The following SLC17A1 variants were observed in gnomAD, a reference collection of about 807,000 sequenced individuals.
The protein encoded by SLC17A1 is solute carrier family 17 member 1.
In SLC17A1, 51 loss-of-function variants were observed where a neutral mutation model predicts 53.5. The observed-to-expected ratio is 0.95, with a 90% confidence interval of 0.76 to 1.20. The LOEUF is 1.20. SLC17A1 is among the 50% of genes most tolerant of loss of function. The pLI is 0.00. For synonymous variants in SLC17A1, 179 were observed against 198.8 expected (o/e 0.90, Z 0.84); for missense variants, 538 against 568.2 (o/e 0.95, Z 0.54).
the SLC17A1 span, among the ~76,000 whole-genome samples, chr6:25,729,950 A>T: frequency 2.0e-5 from 3 of 152,218 alleles, no homozygotes; most frequent in Non-Finnish European, 4.4e-5. Flanking sequence ...TTCTAAGTGC[A>T]TGCAATAAAA....
At chr6:25,787,689 T>G (rs1015779136) in intron 12 of SLC17A1, among the ~76,000 whole-genome samples, 9 of 152,246 alleles carry the variant, frequency 5.9e-5, no homozygotes, top group African/African-American at 1.9e-4. Flanking sequence ...GTTTTCTATT[T>G]GAGTTATTCT....
chr6:25,751,349 C>T, the SLC17A1 span, among the ~76,000 whole-genome samples: 4 of 152,186 alleles, frequency 2.6e-5, no homozygotes, highest in Non-Finnish European at 5.9e-5. Flanking sequence ...TGAATTGAAG[C>T]TTGGACAGTG....
the SLC17A1 span, among the ~76,000 whole-genome samples, chr6:25,751,013 G>A: frequency 6.6e-6 from 1 of 152,166 alleles, no homozygotes; most frequent in Non-Finnish European, 1.5e-5. Flanking sequence ...GCGGAGATAG[G>A]AGGAAGACTG....
the SLC17A1 span, chr6:25,727,100 G>A: frequency 1.2e-6 from 2 of 1,614,236 alleles, no homozygotes; most frequent in Admixed American, 3.3e-5. Flanking sequence ...TGAGCATTAT[G>A]AATTCCTTCG....
At chr6:25,735,092 G>T in the SLC17A1 span, among the ~76,000 whole-genome samples, 15 of 152,300 alleles carry the variant, frequency 9.8e-5, no homozygotes, top group East Asian at 2.7e-3. Context: ...GCTTCAAAAT[G>T]ATGGCATTAA....
At position 25,814,703 on chromosome 6, in the gene SLC17A1, G is replaced by T. The variant is rs146704730; in HGVS notation, c.617-1490C>A. Among the ~76,000 whole-genome samples the T allele has an allele frequency of 1.6e-4, 25 of 152,290 alleles. 1 individual carries two copies. The East Asian group carries it at 4.4e-3, about 27-fold the overall frequency. On this transcript the variant is annotated intron_variant, in intron 6 of 12. Transcript: ENST00000244527. ...AAAAAGAACTAAAAAGACAGAATGG[G>T]CTGGGCATGGTGGCTCACGCCTGTA...
the SLC17A1 span, among the ~76,000 whole-genome samples, chr6:25,739,589 T>C: frequency 1.3e-5 from 2 of 152,230 alleles, no homozygotes. Flanking sequence ...ATTTATACCA[T>C]GAAATATTAC....
At chr6:25,789,519 C>T (rs1401097923) in intron 12 of SLC17A1, among the ~76,000 whole-genome samples, 1 of 152,032 alleles carries the variant, frequency 6.6e-6, no homozygotes, top group Non-Finnish European at 1.5e-5. Context: ...TTTGCAGAGG[C>T]AAAACCTGAT....
chr6:25,827,809 G>A (rs1249130838), intron 2 of SLC17A1, among the ~76,000 whole-genome samples: 2 of 152,152 alleles, frequency 1.3e-5, no homozygotes, highest in African/African-American at 4.8e-5. Flanking sequence ...TGGGAATCTT[G>A]AGAGAAAACT....
chr6:25,768,352 C>T, the SLC17A1 span: 43 of 985,330 alleles, frequency 4.4e-5, no homozygotes, highest in Non-Finnish European at 4.9e-5. Flanking sequence ...TGGATGAATT[C>T]TTCCCGCTGT....
intron 12 of SLC17A1, among the ~76,000 whole-genome samples, chr6:25,795,660 G>A (rs1763588553): frequency 6.6e-6 from 1 of 152,048 alleles, no homozygotes; most frequent in Non-Finnish European, 1.5e-5. Flanking sequence ...TATGCCCTCT[G>A]CAAGAAAAAC....
chr6:25,807,116 T>C (rs1477419020), intron 10 of SLC17A1, among the ~76,000 whole-genome samples: 1 of 152,190 alleles, frequency 6.6e-6, no homozygotes, highest in Non-Finnish European at 1.5e-5. Flanking sequence ...GAAAACAGTA[T>C]GGAGATTTCC....
chr6:25,801,199 T>C (rs1381158686), intron 10 of SLC17A1, among the ~76,000 whole-genome samples: 1 of 151,860 alleles, frequency 6.6e-6, no homozygotes, highest in Non-Finnish European at 1.5e-5. Flanking sequence ...AATATGATGA[T>C]ATTAATAAAA....
the SLC17A1 span, among the ~76,000 whole-genome samples, chr6:25,759,957 G>A: frequency 1.3e-5 from 2 of 151,992 alleles, no homozygotes; most frequent in African/African-American, 4.8e-5. Flanking sequence ...TACAAATATT[G>A]CTTTAAGGAA....
At chr6:25,785,831 G>C (rs775625409) in intron 12 of SLC17A1, among the ~76,000 whole-genome samples, 2 of 152,130 alleles carry the variant, frequency 1.3e-5, no homozygotes, top group Non-Finnish European at 2.9e-5. Flanking sequence ...AACATAACAA[G>C]TGTTGATGAG....
At position 25,829,410 on chromosome 6, in the gene SLC17A1, C is replaced by T. The variant is rs548872374; in HGVS notation, c.34+1114G>A. Among the ~76,000 whole-genome samples the T allele has an allele frequency of 1.4e-4, 21 of 152,236 alleles. No individual in the cohort carries two copies. The South Asian group carries it at 4.4e-3, about 32-fold the overall frequency. The stretch of plus-strand genomic sequence containing the variant: ...TACCCCTGAGAAATTTAATCATCAG[C>T]CAGCCCTTCCTTTGATTTGCTGCCT... On this transcript the variant is annotated intron_variant, in intron 2 of 12. Transcript: ENST00000244527.
the SLC17A1 span, among the ~76,000 whole-genome samples, chr6:25,745,097 T>C: frequency 6.6e-6 from 1 of 152,116 alleles, no homozygotes; most frequent in Non-Finnish European, 1.5e-5. Context: ...ATCAAACAGA[T>C]AGTAATCAAG....
In SLC17A1 at chr6:25,813,151, G is replaced by T; in HGVS notation, c.679C>A (p.His227Asn). The T allele has an allele frequency of 6.2e-7, 1 of 1,614,130 alleles. No homozygotes were observed. Among genetic ancestry groups the T allele is most frequent in the Non-Finnish European group, 8.5e-7 (1 of 1,180,004 alleles). ...FVLFYDDPKD[H>N]PCISISEKEY... ...TTTTCACTGATGCTTATACATGGGT[G>T]GTCTTTGGGGTCATCATAAAACAGA... Residue 227 changes from histidine (H) to asparagine (N), a missense_variant, in exon 7 of 13, where the codon CAC becomes AAC. By Grantham distance (68) the His-to-Asn change is moderately conservative. Transcript: ENST00000244527.
the SLC17A1 span, among the ~76,000 whole-genome samples, chr6:25,771,886 A>G: frequency 2.1e-4 from 32 of 152,218 alleles, no homozygotes; most frequent in Admixed American, 1.7e-3. Flanking sequence ...TTCCAGAGGC[A>G]GTATTTTACT....
Sources: gnomAD v4.1 joint callset for allele counts (sites outside exome capture counted in the v4.1 genomes callset) on GRCh38, gnomAD v4.1.1 for gene constraint, MANE v1.5 for transcripts, NCBI Gene and HGNC (gene_info 2026-07-23, HGNC 2026-07-21) for gene names.